VPS13B: variants seen among roughly 807,000 people sequenced by gnomAD.
VPS13B encodes the protein intermembrane lipid transfer protein VPS13B.
A neutral mutation model predicts 426.4 loss-of-function variants in VPS13B; 285 were observed. The ratio of observed to expected loss-of-function variants is 0.67; its 90% CI spans 0.61 to 0.74. VPS13B has a LOEUF of 0.74. Among genes scored for constraint, VPS13B ranks in the 30% least tolerant of loss-of-function variants. The pLI is 0.00. For missense variants in VPS13B, 4,537 were observed against 4,782.6 expected (o/e 0.95, Z 1.51); for synonymous variants, 1,676 against 1,676.4 (o/e 1.00, Z 0.01).
At chr8:99,231,066 T>C (rs1226957371) in intron 17 of VPS13B, among the ~76,000 whole-genome samples, 1 of 152,248 alleles carries the variant, frequency 6.6e-6, no homozygotes, top group Non-Finnish European at 1.5e-5. Flanking sequence ...CTAAATGTAA[T>C]AGACAATGAA....
chr8:99,281,826 T>C (rs1355810847), intron 19 of VPS13B, among the ~76,000 whole-genome samples: 1 of 152,212 alleles, frequency 6.6e-6, no homozygotes, highest in Non-Finnish European at 1.5e-5. Context: ...CTTCTGTTCC[T>C]TAAATGTAGG....
intron 24 of VPS13B, among the ~76,000 whole-genome samples, 162 bp from the exon 25 acceptor site, chr8:99,481,437 C>G (rs752525854): frequency 2.6e-5 from 4 of 152,060 alleles, no homozygotes; most frequent in Non-Finnish European, 5.9e-5. Context: ...GAGTATGAAG[C>G]AAATTTCAAG....
chr8:99,209,748 A>G (rs934824743), intron 17 of VPS13B: 10 of 969,986 alleles, frequency 1.0e-5, no homozygotes, highest in African/African-American at 8.8e-5. Context: ...ACATAATTGT[A>G]TAGTCAAAAT....
chr8:99,142,673 A>G (rs1339882010), intron 12 of VPS13B, among the ~76,000 whole-genome samples: 1 of 152,230 alleles, frequency 6.6e-6, no homozygotes, highest in Non-Finnish European at 1.5e-5. Flanking sequence ...TTGTGTATAG[A>G]ATTACTAGAT....
rs34752686 is a variant in VPS13B, at chr8:99,474,183, A to ATTTTTTTTTTTTTTTTTTTTTTTTTT, written c.3666+6569_3666+6570insTTTTTTTTTTTTTTTTTTTTTTTTTT. On this transcript the variant is annotated intron_variant, in intron 24 of 61. Transcript: ENST00000357162. Reference sequence around the variant, plus strand: ...TCTTCAAACAATGGACTGTTATCCAATTTTTTTTTTTTTTTTTTTTGTGGA... The same window carrying ATTTTTTTTTTTTTTTTTTTTTTTTTT: ...TCTTCAAACAATGGACTGTTATCCAATTTTTTTTTTTTTTTTTTTTTTTTTTTTTTTTTTTTTTTTTTTTTTGTGGA... 4.6e-4 allele frequency among the ~76,000 whole-genome samples: 58 copies of ATTTTTTTTTTTTTTTTTTTTTTTTTT among 124,954 alleles called. 4 individuals are homozygous for ATTTTTTTTTTTTTTTTTTTTTTTTTT. The highest frequency in any genetic ancestry group is 1.8e-3 in the African/African-American group (54 of 30,744). The allele number at this position is 124,954 out of a possible 152,430, so 82.0% of individuals were successfully genotyped here. A position where few individuals can be genotyped will look rare whatever the true frequency, so the allele number is the denominator to read the frequency against.
chr8:99,379,361 C>T (rs569838868), intron 19 of VPS13B, among the ~76,000 whole-genome samples: 70 of 151,844 alleles, frequency 4.6e-4, no homozygotes, highest in Non-Finnish European at 7.8e-4. Context: ...GGCGGATGGG[C>T]GGGGGGGCAA....
intron 30 of VPS13B, among the ~76,000 whole-genome samples, chr8:99,555,218 G>A (rs773457264): frequency 4.6e-5 from 7 of 152,018 alleles, no homozygotes; most frequent in African/African-American, 7.2e-5. Flanking sequence ...CCAGACACCC[G>A]TTGTCTTGAG....
intron 30 of VPS13B, among the ~76,000 whole-genome samples, chr8:99,554,882 A>T (rs1259691012): frequency 6.6e-6 from 1 of 152,014 alleles, no homozygotes; most frequent in Non-Finnish European, 1.5e-5. Flanking sequence ...TGGCCCACTT[A>T]TGAGCCCTAT....
chr8:99,699,178 G>C (rs1413973694), intron 35 of VPS13B, among the ~76,000 whole-genome samples: 2 of 131,926 alleles, frequency 1.5e-5, no homozygotes, highest in Non-Finnish European at 3.1e-5. Flanking sequence ...GTTTCATATA[G>C]GTAACAAACT....
At chr8:99,746,247 A>C (rs1810080678) in intron 39 of VPS13B, among the ~76,000 whole-genome samples, 1 of 152,088 alleles carries the variant, frequency 6.6e-6, no homozygotes, top group East Asian at 1.9e-4. Context: ...TTCTCAGGTG[A>C]CAGAATAATA....
At chr8:99,449,731 A>G (rs1049031072) in intron 23 of VPS13B, among the ~76,000 whole-genome samples, 25 of 152,204 alleles carry the variant, frequency 1.6e-4, no homozygotes, top group East Asian at 1.9e-4. Flanking sequence ...AATGTAGCCA[A>G]TAAGATAAGG....
chr8:99,259,524 T>G (rs1301474670), intron 17 of VPS13B, among the ~76,000 whole-genome samples: 1 of 152,076 alleles, frequency 6.6e-6, no homozygotes, highest in East Asian at 1.9e-4. Context: ...GCTCATAATG[T>G]CAAAGCACTA....
chr8:99,514,669 T>C (rs1028724311), intron 29 of VPS13B, among the ~76,000 whole-genome samples: 3 of 152,226 alleles, frequency 2.0e-5, no homozygotes, highest in African/African-American at 7.2e-5. Context: ...CACATTTTGT[T>C]TATTAATTAA....
Position 99,835,597 on chromosome 8 carries a change from TG to T in VPS13B, c.9802del (p.Glu3268SerfsTer23). On this transcript the variant is annotated frameshift_variant, in exon 54 of 62. Coordinates refer to ENST00000357162, the MANE Select transcript of VPS13B (RefSeq NM_152564.5). LOFTEE classifies it high-confidence loss of function. Reference protein sequence around the residue: ...KIPSECSIHHELYHQISSYPD... With the variant: ...KIPSECSIHHXLYHQISSYPD... ...TTCCCTCCGAGTGCTCAATTCATCA[TG>T]AGCTGTATCATCAGATTTCCAGTTA... 1 of 1,613,138 alleles carries T rather than the reference TG, an allele frequency of 6.2e-7. No homozygotes were observed.
intron 33 of VPS13B, among the ~76,000 whole-genome samples, chr8:99,602,190 G>A (rs1827333973): frequency 6.6e-6 from 1 of 152,150 alleles, no homozygotes; most frequent in Non-Finnish European, 1.5e-5. Flanking sequence ...GTGTAAGGAA[G>A]GGGTCCAGTT....
At chr8:99,604,286 A>C (rs1291483546) in intron 33 of VPS13B, among the ~76,000 whole-genome samples, 3 of 152,138 alleles carry the variant, frequency 2.0e-5, no homozygotes, top group Non-Finnish European at 4.4e-5. Context: ...TTCTACAATA[A>C]TATGGTACAT....
Position 99,081,636 on chromosome 8 carries a change from G to A in VPS13B, c.292-14676G>A, listed in dbSNP as rs890349953. 9.2e-5 allele frequency among the ~76,000 whole-genome samples: 10 copies of A among 108,656 alleles called. No homozygotes were observed. In the East Asian group the frequency reaches 1.9e-3, roughly 20 times the overall value. 71.3% of individuals were successfully genotyped at this position (108,656 alleles called of 152,430 possible). A position where few individuals can be genotyped will look rare whatever the true frequency, so the allele number is the denominator to read the frequency against. ...AGGCCCCCACCCCACAACAGGCCCC[G>A]GTGTGTGATGTTCCGCGTCGTATGT... On this transcript the variant is annotated intron_variant, in intron 3 of 61. Transcript: ENST00000357162.
intron 30 of VPS13B, among the ~76,000 whole-genome samples, chr8:99,541,481 T>G (rs1169552244): frequency 6.6e-6 from 1 of 152,150 alleles, no homozygotes; most frequent in East Asian, 1.9e-4. Flanking sequence ...GTGTTTGTCC[T>G]AATGCTCTTC....
rs550233600 is a variant in VPS13B, at chr8:99,268,049, C to T, written c.2516-6149C>T. On this transcript the variant is annotated intron_variant, in intron 17 of 61. Transcript: ENST00000357162. Reference sequence around the variant, plus strand: ...AGGATGTTGCTTCAGAGGGTGTAAGCCCCCAGCTTTGGGAGGTTCCACGTG... The same window carrying T: ...AGGATGTTGCTTCAGAGGGTGTAAGTCCCCAGCTTTGGGAGGTTCCACGTG... Among the ~76,000 whole-genome samples, 25 of 152,264 alleles carry T rather than the reference C, an allele frequency of 1.6e-4. 1 individual carries two copies. Among genetic ancestry groups the T allele is most frequent in the African/African-American group, 5.8e-4 (24 of 41,556 alleles).
Sources: gnomAD v4.1 joint callset for allele counts (sites outside exome capture counted in the v4.1 genomes callset) on GRCh38, gnomAD v4.1.1 for gene constraint, MANE v1.5 for transcripts, NCBI Gene and HGNC (gene_info 2026-07-23, HGNC 2026-07-21) for gene names.